Variants in AGBL4 observed in about 807,000 individuals in gnomAD.
The protein encoded by AGBL4 is AGBL carboxypeptidase 4.
Under a neutral mutation model 66.4 loss-of-function variants are expected in AGBL4, and 58 were observed. That is an observed-to-expected ratio of 0.87 (90% CI 0.71 to 1.09). The LOEUF (loss-of-function observed/expected upper bound fraction) is 1.09. Among genes scored for constraint, AGBL4 ranks in the 50% least tolerant of loss-of-function variants. AGBL4 has a pLI of 0.00. For synonymous variants in AGBL4, 234 were observed against 222.9 expected (o/e 1.05, Z -0.44); for missense variants, 579 against 631.0 (o/e 0.92, Z 0.88).
chr1:48,710,556 T>C (rs1646950243), intron 6 of AGBL4, among the ~76,000 whole-genome samples: 1 of 152,126 alleles, frequency 6.6e-6, no homozygotes, highest in African/African-American at 2.4e-5. Context: ...CCAGGCTTTG[T>C]CCTAGTACAG....
chr1:48,657,753 T>C (rs771538594), intron 7 of AGBL4, among the ~76,000 whole-genome samples: 19 of 152,150 alleles, frequency 1.2e-4, no homozygotes, highest in African/African-American at 2.9e-4. Flanking sequence ...CACCCAACCT[T>C]GAGGAACATA....
intron 3 of AGBL4, among the ~76,000 whole-genome samples, chr1:49,415,447 A>T (rs1228331872): frequency 2.6e-5 from 4 of 152,160 alleles, no homozygotes; most frequent in African/African-American, 7.2e-5. Flanking sequence ...AGATGGTGTT[A>T]GAATAGAAAA....
At chr1:49,739,235 G>C (rs1650188833) in intron 2 of AGBL4, among the ~76,000 whole-genome samples, 1 of 152,132 alleles carries the variant, frequency 6.6e-6, no homozygotes, top group Admixed American at 6.5e-5. Flanking sequence ...TGAAAACCAT[G>C]GCACGAGAAC....
chr1:49,704,204 A>G (rs1647158033), intron 2 of AGBL4, among the ~76,000 whole-genome samples: 1 of 152,104 alleles, frequency 6.6e-6, no homozygotes, highest in Non-Finnish European at 1.5e-5. Flanking sequence ...AATGTAATAT[A>G]ATATCATAAA....
chr1:49,394,683 CA>C (rs2148598477), intron 3 of AGBL4, among the ~76,000 whole-genome samples: 1 of 152,296 alleles, frequency 6.6e-6, no homozygotes, highest in East Asian at 1.9e-4. Context: ...TTGGTGCAAG[CA>C]ATTCACTATA....
intron 6 of AGBL4, chr1:48,759,109 G>C (rs750693064): frequency 6.2e-7 from 1 of 1,612,108 alleles, no homozygotes; most frequent in Admixed American, 1.7e-5. Flanking sequence ...CAGAGCCCGG[G>C]GCACCACAGC....
chr1:49,566,316 C>T (rs143199855), intron 3 of AGBL4, among the ~76,000 whole-genome samples: 147 of 152,324 alleles, frequency 9.7e-4, no homozygotes, highest in African/African-American at 2.6e-3. Flanking sequence ...AGTTACACTC[C>T]GTCCAGCTTT....
chr1:49,343,967 T>A (rs1645590025), intron 3 of AGBL4, among the ~76,000 whole-genome samples: 1 of 152,226 alleles, frequency 6.6e-6, no homozygotes, highest in African/African-American at 2.4e-5. Flanking sequence ...ATTAGGCAGG[T>A]CAGATACTGT....
intron 3 of AGBL4, among the ~76,000 whole-genome samples, chr1:49,399,399 TG>T (rs1271914826): frequency 6.6e-6 from 1 of 152,138 alleles, no homozygotes; most frequent in Non-Finnish European, 1.5e-5. Context: ...CTATATTTTT[TG>T]TTTTTGGAGA....
At chr1:48,895,910 T>C (rs949078804) in intron 5 of AGBL4, among the ~76,000 whole-genome samples, 10 of 152,216 alleles carry the variant, frequency 6.6e-5, no homozygotes, top group Non-Finnish European at 1.3e-4. Flanking sequence ...AAAGAAAATG[T>C]ACCAAAAGTC....
intron 7 of AGBL4, among the ~76,000 whole-genome samples, chr1:48,659,911 G>T (rs1394414493): frequency 6.6e-6 from 1 of 152,226 alleles, no homozygotes; most frequent in African/African-American, 2.4e-5. Flanking sequence ...TCACAACAAC[G>T]CTGTGAGGCA....
chr1:48,608,697 T>C (rs1246840955), intron 9 of AGBL4, among the ~76,000 whole-genome samples: 1 of 152,180 alleles, frequency 6.6e-6, no homozygotes, highest in Non-Finnish European at 1.5e-5. Flanking sequence ...TATTCTAGCT[T>C]TTTGTGTACT....
intron 4 of AGBL4, among the ~76,000 whole-genome samples, chr1:49,238,332 C>G (rs1192328655): frequency 2.0e-5 from 3 of 152,148 alleles, no homozygotes; most frequent in Admixed American, 2.0e-4. Context: ...TTGTTAGCAT[C>G]CCATAGGTCC....
chr1:49,400,753 A>C (rs1267199612), intron 3 of AGBL4, among the ~76,000 whole-genome samples: 1 of 152,160 alleles, frequency 6.6e-6, no homozygotes, highest in African/African-American at 2.4e-5. Context: ...ATGAGTCCTA[A>C]TAGGTTTCTG....
intron 3 of AGBL4, among the ~76,000 whole-genome samples, chr1:49,258,691 G>A (rs1490758498): frequency 2.0e-5 from 3 of 152,330 alleles, no homozygotes; most frequent in South Asian, 2.1e-4. Context: ...TGGTGCACCT[G>A]AAAGTGACGG....
intron 2 of AGBL4, among the ~76,000 whole-genome samples, chr1:49,721,415 A>C (rs1648599887): frequency 6.6e-6 from 1 of 151,890 alleles, no homozygotes; most frequent in Non-Finnish European, 1.5e-5. Flanking sequence ...AGTCAGTGAG[A>C]CCACAAACCC....
intron 11 of AGBL4, chr1:48,584,809 C>T (rs1461792570): frequency 2.0e-5 from 3 of 152,188 alleles, no homozygotes; most frequent in Non-Finnish European, 4.4e-5. Flanking sequence ...CCCTCTTTCC[C>T]CCATGTAAAG....
At chr1:48,801,074 A>G (rs1289280607) in intron 6 of AGBL4, among the ~76,000 whole-genome samples, 5 of 152,102 alleles carry the variant, frequency 3.3e-5, no homozygotes, top group African/African-American at 1.2e-4. Context: ...CTGCTGCATC[A>G]TACAGGTTTC....
intron 6 of AGBL4, among the ~76,000 whole-genome samples, chr1:48,799,618 T>C (rs1306442205): frequency 1.3e-5 from 2 of 152,212 alleles, no homozygotes; most frequent in African/African-American, 4.8e-5. Flanking sequence ...TCAGTATAAA[T>C]GTTGGCTGTG....
Sources: allele counts gnomAD v4.1 joint callset (sites outside exome capture counted in the v4.1 genomes callset), GRCh38; gene constraint gnomAD v4.1.1; transcripts MANE v1.5; gene names NCBI Gene and HGNC (gene_info 2026-07-23, HGNC 2026-07-21).